The following UVRAG variants were observed in gnomAD, a reference collection of about 807,000 sequenced individuals.
UVRAG encodes UV radiation resistance-associated gene protein.
Under a neutral mutation model 78.0 loss-of-function variants are expected in UVRAG, and 19 were observed. The observed-to-expected ratio is 0.24, with a 90% CI of 0.17 to 0.36. The LOEUF (loss-of-function observed/expected upper bound fraction) is 0.36. Ranked by LOEUF, UVRAG falls within the 10% of genes least tolerant of loss-of-function variation. UVRAG has a pLI of 1.00. For missense variants in UVRAG, 740 were observed against 853.8 expected (o/e 0.87, Z 1.66); for synonymous variants, 323 against 324.6 (o/e 1.00, Z 0.05).
chr11:75,963,878 C>G (rs1264883362), intron 7 of UVRAG, among the ~76,000 whole-genome samples: 1 of 152,136 alleles, frequency 6.6e-6, no homozygotes, highest in Non-Finnish European at 1.5e-5. Flanking sequence ...CTGGGCTGCT[C>G]TTGAACTCCT....
chr11:75,916,199 A>G (rs1947849634), intron 6 of UVRAG: 1 of 152,220 alleles, frequency 6.6e-6, no homozygotes, highest in East Asian at 1.9e-4. Flanking sequence ...TTGGTCCTTC[A>G]CCTAAATTCC....
chr11:75,826,688 CCTAT>C (rs947615076), intron 1 of UVRAG, among the ~76,000 whole-genome samples: 2 of 147,204 alleles, frequency 1.4e-5, no homozygotes, highest in East Asian at 2.0e-4. Flanking sequence ...ACTTACCATG[CCTAT>C]CTTTTTTTTT....
chr11:75,874,699 A>G (rs1029258989), intron 3 of UVRAG, among the ~76,000 whole-genome samples: 3 of 152,238 alleles, frequency 2.0e-5, no homozygotes, highest in Non-Finnish European at 4.4e-5. Flanking sequence ...TGTCACTAGT[A>G]AGTATTAAAA....
At chr11:75,962,620 G>A (rs1048543952) in intron 7 of UVRAG, among the ~76,000 whole-genome samples, 5 of 152,058 alleles carry the variant, frequency 3.3e-5, no homozygotes, top group African/African-American at 1.2e-4. Context: ...AACATCTTCC[G>A]TTTCAAAGGT....
intron 12 of UVRAG, among the ~76,000 whole-genome samples, chr11:76,021,152 T>C (rs1950239765): frequency 6.6e-6 from 1 of 152,190 alleles, no homozygotes; most frequent in African/African-American, 2.4e-5. Flanking sequence ...CAATGCCTTT[T>C]TCAGCTATAT....
chr11:76,116,198 G>A (rs976711632), intron 14 of UVRAG, among the ~76,000 whole-genome samples, 183 bp downstream of exon 14: 1 of 152,220 alleles, frequency 6.6e-6, no homozygotes, highest in African/African-American at 2.4e-5. Context: ...TAAGGAGGAT[G>A]TAGCCCCCTT....
intron 2 of UVRAG, among the ~76,000 whole-genome samples, chr11:75,860,130 A>G (rs1042534788): frequency 1.2e-4 from 18 of 152,138 alleles, no homozygotes; most frequent in Non-Finnish European, 2.4e-4. Flanking sequence ...TTTTTAGTAG[A>G]GACAGGATTT....
chr11:75,869,833 A>G (rs1268963210), intron 3 of UVRAG, among the ~76,000 whole-genome samples: 1 of 152,254 alleles, frequency 6.6e-6, no homozygotes, highest in Non-Finnish European at 1.5e-5. Context: ...TCAGAAAGTT[A>G]GAACACATTT....
intron 3 of UVRAG, among the ~76,000 whole-genome samples, chr11:75,870,192 A>G (rs2134821200): frequency 6.6e-6 from 1 of 152,312 alleles, no homozygotes; most frequent in South Asian, 2.1e-4. Context: ...ATTATTGCTC[A>G]TTGTCTGGCA....
In UVRAG at chr11:75,815,421, C is replaced by T; in HGVS notation, c.14C>T (p.Ala5Val). MSAS[A>V]SVGGPVPQPP... ...CCCTGGATCGAGATGAGCGCCTCCG[C>T]GTCGGTCGGGGGCCCCGTCCCCCAG... Residue 5 changes from alanine (A) to valine (V), a missense_variant, in exon 1 of 15, where the codon GCG (alanine) becomes GTG (valine). Coordinates refer to ENST00000356136, the MANE Select transcript of UVRAG (RefSeq NM_003369.4). 17 of 1,248,234 alleles carry T rather than the reference C, an allele frequency of 1.4e-5. No individual in the cohort carries two copies. Among genetic ancestry groups the T allele is most frequent in the Non-Finnish European group, 1.6e-5 (16 of 995,060 alleles). The allele number at this position is 1,248,234 out of a possible 1,614,324, so 77.3% of individuals were successfully genotyped here.
intron 7 of UVRAG, among the ~76,000 whole-genome samples, chr11:75,964,395 T>C (rs368175334): frequency 2.1e-4 from 32 of 152,364 alleles, no homozygotes; most frequent in African/African-American, 7.7e-4. Flanking sequence ...GGAAGGTTTT[T>C]GAACTGGAAA....
At chr11:75,870,879 T>A (rs566622701) in intron 3 of UVRAG, among the ~76,000 whole-genome samples, 4 of 152,328 alleles carry the variant, frequency 2.6e-5, no homozygotes, top group South Asian at 2.1e-4. Context: ...TATTTTATTT[T>A]TTTTTTTGAT....
intron 14 of UVRAG, among the ~76,000 whole-genome samples, chr11:76,123,386 T>C (rs2134481965): frequency 6.6e-6 from 1 of 152,290 alleles, no homozygotes; most frequent in African/African-American, 2.4e-5. Flanking sequence ...AATGATCACG[T>C]TTCAACTTCA....
At chr11:76,024,264 G>A (rs147692661) in intron 12 of UVRAG, among the ~76,000 whole-genome samples, 3 of 152,140 alleles carry the variant, frequency 2.0e-5, no homozygotes, top group African/African-American at 7.2e-5. Flanking sequence ...AACTTAATAT[G>A]TGGGCAATTT....
At chr11:75,951,817 G>T (rs1249291476) in intron 6 of UVRAG, among the ~76,000 whole-genome samples, 2 of 151,984 alleles carry the variant, frequency 1.3e-5, no homozygotes, top group African/African-American at 4.8e-5. Context: ...CATTTTCTTG[G>T]TGTTCTAGGT....
At chr11:76,137,594 C>T in intron 14 of UVRAG, 1 of 392,644 alleles carries the variant, frequency 2.5e-6, no homozygotes, top group Non-Finnish European at 5.0e-6. Flanking sequence ...AATTTCCTTA[C>T]CATTCTTAAG....
intron 8 of UVRAG, among the ~76,000 whole-genome samples, chr11:76,001,693 T>C (rs1949817678): frequency 6.6e-6 from 1 of 152,204 alleles, no homozygotes; most frequent in Non-Finnish European, 1.5e-5. Flanking sequence ...ACAAGGACTT[T>C]AGAGGCAGGT....
chr11:75,898,484 T>C (rs1451379966), intron 5 of UVRAG, among the ~76,000 whole-genome samples: 1 of 152,184 alleles, frequency 6.6e-6, no homozygotes, highest in Non-Finnish European at 1.5e-5. Context: ...CCAGGCTCAG[T>C]AGCAGGCATC....
chr11:76,015,927 C>CGTGCACTT lies in UVRAG; in HGVS notation c.1061-879_1061-872dup, dbSNP rs1289287179. 2.6e-5 allele frequency among the ~76,000 whole-genome samples: 4 copies of CGTGCACTT among 152,230 alleles called. No homozygotes were observed. The East Asian group carries it at 7.7e-4, about 29-fold the overall frequency. On this transcript the variant is annotated intron_variant, in intron 11 of 14. Coordinates refer to ENST00000356136, the MANE Select transcript of UVRAG (RefSeq NM_003369.4). ...ATGTTTTAGTGTATGAGTGCACACACGTGCACTTGTGCACTTTTAAAAGCA... is the reference window on the plus strand; with the variant it reads ...ATGTTTTAGTGTATGAGTGCACACACGTGCACTTGTGCACTTGTGCACTTTTAAAAGCA...
Sources: gnomAD v4.1 joint callset for allele counts (sites outside exome capture counted in the v4.1 genomes callset) on GRCh38, gnomAD v4.1.1 for gene constraint, MANE v1.5 for transcripts, NCBI Gene and HGNC (gene_info 2026-07-23, HGNC 2026-07-21) for gene names.